Variants in TENM4 observed in about 807,000 individuals in gnomAD.
TENM4 encodes teneurin-4.
In TENM4, 82 loss-of-function variants were observed where a neutral mutation model predicts 243.3. The observed-to-expected ratio is 0.34, with a 90% CI of 0.28 to 0.40. The LOEUF is 0.40. TENM4 is among the 10% of genes least tolerant of loss of function. The probability of loss-of-function intolerance (pLI) is 1.00; values close to 1 mark genes in which losing one functional copy is unlikely to be tolerated. For missense variants in TENM4, 3,138 were observed against 3,673.3 expected, an observed-to-expected ratio of 0.85 and a Z score of 3.77; for synonymous variants, 1,412 against 1,456.3, an observed-to-expected ratio of 0.97 and a Z score of 0.69.
chr11:78,874,607 G>A (rs1259993508), intron 9 of TENM4, among the ~76,000 whole-genome samples: 3 of 152,144 alleles, frequency 2.0e-5, no homozygotes, highest in Non-Finnish European at 4.4e-5. Flanking sequence ...AAAGAAAAGT[G>A]CTAATTATCC....
At chr11:79,164,883 A>G (rs2135100088) in intron 3 of TENM4, among the ~76,000 whole-genome samples, 1 of 151,872 alleles carries the variant, frequency 6.6e-6, no homozygotes, top group East Asian at 1.9e-4. Context: ...GGTAAGTCCA[A>G]GTAAACTCTT....
Position 79,164,627 on chromosome 11 carries a change from A to G in TENM4, c.-162-15821T>C, listed in dbSNP as rs112262127. On this transcript the variant is annotated intron_variant, in intron 3 of 33. Coordinates refer to ENST00000278550, the MANE Select transcript of TENM4 (RefSeq NM_001098816.3). The stretch of plus-strand genomic sequence containing the variant: ...TACGGTTTGGCTGTGTCCCCACCCA[A>G]ATCTCAACTTGACTTGTATCTCCCA... Among the ~76,000 whole-genome samples the G allele has an allele frequency of 3.1e-3, 454 of 147,982 alleles. 7 individuals carry two copies. The highest frequency in any genetic ancestry group is 0.011 in the African/African-American group (427 of 40,102).
intron 2 of TENM4, among the ~76,000 whole-genome samples, chr11:79,289,130 G>C (rs983041798): frequency 6.6e-6 from 1 of 152,130 alleles, no homozygotes; most frequent in Non-Finnish European, 1.5e-5. Flanking sequence ...CACGTGTAGA[G>C]GGCAAAGGTA....
At chr11:78,749,313 CCTT>C (rs761740189) in intron 19 of TENM4, 35 of 151,508 alleles carry the variant, frequency 2.3e-4, no homozygotes, top group Admixed American at 9.9e-4. Flanking sequence ...AGGATCTTTG[CCTT>C]CTTCTATCTT....
intron 6 of TENM4, chr11:78,962,129 A>C (rs1387643225): frequency 6.5e-6 from 1 of 152,674 alleles, no homozygotes; most frequent in Non-Finnish European, 1.5e-5. Flanking sequence ...AAGTAGGAAG[A>C]GAGAGGGACT....
At chr11:78,984,179 T>C (rs1053480249) in intron 6 of TENM4, among the ~76,000 whole-genome samples, 35 of 152,196 alleles carry the variant, frequency 2.3e-4, no homozygotes, top group African/African-American at 8.4e-4. Context: ...AATAGGTGAC[T>C]TAATCTCTCT....
chr11:78,919,518 T>C (rs1386223798), intron 6 of TENM4, among the ~76,000 whole-genome samples: 5 of 152,216 alleles, frequency 3.3e-5, no homozygotes, highest in African/African-American at 9.6e-5. Flanking sequence ...AAGATTTTTC[T>C]GGAGCTATAG....
chr11:78,814,923 G>A (rs896785035), intron 12 of TENM4, among the ~76,000 whole-genome samples: 3 of 152,200 alleles, frequency 2.0e-5, no homozygotes, highest in Non-Finnish European at 2.9e-5. Flanking sequence ...ACCAGCCTGA[G>A]GCAGGCCTTT....
At chr11:78,802,690 C>G (rs1161480944) in intron 15 of TENM4, among the ~76,000 whole-genome samples, 3 of 152,198 alleles carry the variant, frequency 2.0e-5, no homozygotes, top group African/African-American at 7.2e-5. Context: ...ACCTGTCATC[C>G]CAACCTCACA....
chr11:78,998,551 T>C (rs1440729071), intron 6 of TENM4, among the ~76,000 whole-genome samples: 2 of 151,988 alleles, frequency 1.3e-5, no homozygotes, highest in South Asian at 2.1e-4. Flanking sequence ...TCCGAAGTGA[T>C]TATGCTTGAA....
At chr11:79,047,864 G>A (rs1859696911) in intron 6 of TENM4, among the ~76,000 whole-genome samples, 1 of 152,168 alleles carries the variant, frequency 6.6e-6, no homozygotes, top group South Asian at 2.1e-4. Flanking sequence ...TAGTGTATTT[G>A]AATAGGCTTA....
chr11:78,858,088 T>A (rs1001770692), intron 10 of TENM4, among the ~76,000 whole-genome samples: 3 of 152,236 alleles, frequency 2.0e-5, no homozygotes, highest in Admixed American at 6.5e-5. Flanking sequence ...ATAATTCCCA[T>A]GTCTGAAAAT....
At chr11:78,763,084 T>A (rs1158374021) in intron 18 of TENM4, among the ~76,000 whole-genome samples, 2 of 152,176 alleles carry the variant, frequency 1.3e-5, no homozygotes, top group African/African-American at 4.8e-5. Flanking sequence ...ATATTTGCTA[T>A]CCCCATTCAG....
chr11:78,892,903 C>A (rs1051298080), intron 7 of TENM4, among the ~76,000 whole-genome samples: 3 of 152,218 alleles, frequency 2.0e-5, no homozygotes, highest in African/African-American at 4.8e-5. Flanking sequence ...ATAACCCTGT[C>A]TCTCTCTGCA....
chr11:79,010,150 A>G (rs583958), intron 6 of TENM4, among the ~76,000 whole-genome samples: 65,954 of 151,564 alleles, frequency 0.44, 15,395 homozygotes, highest in African/African-American at 0.62. Flanking sequence ...GTATGTCTTT[A>G]TTAGCGGTGT....
intron 33 of TENM4, among the ~76,000 whole-genome samples, chr11:78,661,209 T>A (rs1263351973): frequency 6.6e-6 from 1 of 152,212 alleles, no homozygotes; most frequent in Non-Finnish European, 1.5e-5. Flanking sequence ...AACTCCAAAC[T>A]CAGTGTAACA....
At chr11:79,150,293 G>A (rs1015809928) in intron 3 of TENM4, among the ~76,000 whole-genome samples, 3 of 152,168 alleles carry the variant, frequency 2.0e-5, no homozygotes, top group African/African-American at 7.2e-5. Flanking sequence ...GGCAGATGTG[G>A]CTCTCAAATA....
At chr11:78,816,420 G>A (rs1857605978) in intron 12 of TENM4, among the ~76,000 whole-genome samples, 1 of 152,186 alleles carries the variant, frequency 6.6e-6, no homozygotes, top group Non-Finnish European at 1.5e-5. Flanking sequence ...CCCCCTCATG[G>A]GAACACTTCC....
chr11:79,304,091 C>G (rs1294131483), intron 1 of TENM4, among the ~76,000 whole-genome samples: 1 of 152,144 alleles, frequency 6.6e-6, no homozygotes, highest in East Asian at 1.9e-4. Flanking sequence ...GCTTCACCTA[C>G]CAGGAGGGCT....
Sources: allele counts gnomAD v4.1 joint callset (sites outside exome capture counted in the v4.1 genomes callset), GRCh38; gene constraint gnomAD v4.1.1; transcripts MANE v1.5; gene names NCBI Gene and HGNC (gene_info 2026-07-23, HGNC 2026-07-21).